The following SNX29 variants were observed in gnomAD, a reference collection of about 807,000 sequenced individuals.
SNX29 encodes the protein sorting nexin 29.
SNX29 carries 78 observed loss-of-function variants against 102.1 expected under a neutral mutation model. The observed-to-expected ratio is 0.76, with a 90% confidence interval of 0.64 to 0.92. The LOEUF is 0.92. Among genes scored for constraint, SNX29 ranks in the 40% least tolerant of loss-of-function variants. The pLI is 0.00. For synonymous variants in SNX29, 580 were observed against 414.5 expected (o/e 1.40, Z -4.85); for missense variants, 1,280 against 1,061.7 (o/e 1.21, Z -2.86).
chr16:12,497,210 A>G (rs1370758454), intron 19 of SNX29, among the ~76,000 whole-genome samples: 1 of 152,282 alleles, frequency 6.6e-6, no homozygotes, highest in Non-Finnish European at 1.5e-5. Flanking sequence ...TCTTGGCAGA[A>G]AGGCCCTGAA....
chr16:12,133,081 C>T (rs1026572837), intron 13 of SNX29, among the ~76,000 whole-genome samples: 1 of 152,074 alleles, frequency 6.6e-6, no homozygotes, highest in African/African-American at 2.4e-5. Flanking sequence ...GAAGGTGAGG[C>T]TCATTGCGCC....
At chr16:12,552,005 C>T (rs535156073) in intron 20 of SNX29, among the ~76,000 whole-genome samples, 4 of 152,324 alleles carry the variant, frequency 2.6e-5, no homozygotes, top group Middle Eastern at 6.8e-3. Flanking sequence ...CTGCTGGTCC[C>T]TGTCTCTAAA....
intron 15 of SNX29, among the ~76,000 whole-genome samples, chr16:12,326,009 C>G (rs2081103718): frequency 6.6e-6 from 1 of 151,780 alleles, no homozygotes; most frequent in African/African-American, 2.4e-5. Context: ...AGCCTGGGCA[C>G]CAGAGGGAGA....
intron 20 of SNX29, among the ~76,000 whole-genome samples, chr16:12,559,213 C>G (rs1445379739): frequency 6.6e-6 from 1 of 152,076 alleles, no homozygotes; most frequent in African/African-American, 2.4e-5. Flanking sequence ...AGCGCTTCGT[C>G]TGTATTTACA....
chr16:12,489,891 T>C (rs2088455842), intron 19 of SNX29, among the ~76,000 whole-genome samples: 1 of 152,156 alleles, frequency 6.6e-6, no homozygotes, highest in South Asian at 2.1e-4. Flanking sequence ...CCGCAACCTC[T>C]ACCTCCTGGG....
Position 12,408,054 on chromosome 16 carries a change from A to G in SNX29, c.2037+4525A>G, listed in dbSNP as rs1174431072. 2.0e-5 allele frequency among the ~76,000 whole-genome samples: 3 copies of G among 152,048 alleles called. No individual in the cohort carries two copies. In the East Asian group the frequency reaches 5.8e-4, roughly 29 times the overall value. ...ATACTTACAGTCCCAGCTACTGGGGAGGCTGAGGCAGGAGGATTGCCTGAG... is the reference window on the plus strand; with the variant it reads ...ATACTTACAGTCCCAGCTACTGGGGGGGCTGAGGCAGGAGGATTGCCTGAG... On this transcript the variant is annotated intron_variant, in intron 18 of 20. Coordinates refer to ENST00000566228, the MANE Select transcript of SNX29 (RefSeq NM_032167.5).
At chr16:12,436,030 A>G (rs1280685442) in intron 18 of SNX29, among the ~76,000 whole-genome samples, 2 of 152,182 alleles carry the variant, frequency 1.3e-5, no homozygotes, top group African/African-American at 2.4e-5. Flanking sequence ...GGCAGCTGCT[A>G]GGATCAAATG....
At chr16:12,123,790 T>C (rs2054084498) in intron 11 of SNX29, among the ~76,000 whole-genome samples, 1 of 152,164 alleles carries the variant, frequency 6.6e-6, no homozygotes, top group Non-Finnish European at 1.5e-5. Flanking sequence ...GCAAATGTTT[T>C]CTGGAAAGGG....
intron 15 of SNX29, among the ~76,000 whole-genome samples, chr16:12,284,697 C>A (rs1473918805): frequency 6.6e-6 from 1 of 151,258 alleles, no homozygotes; most frequent in Non-Finnish European, 1.5e-5. Flanking sequence ...GTTGAACTTG[C>A]CAGAACTGCT....
At chr16:12,237,468 G>A (rs1307394699) in intron 14 of SNX29, among the ~76,000 whole-genome samples, 1 of 152,176 alleles carries the variant, frequency 6.6e-6, no homozygotes, top group African/African-American at 2.4e-5. Flanking sequence ...CATGCCCCTG[G>A]ATAGGATTTA....
intron 16 of SNX29, among the ~76,000 whole-genome samples, chr16:12,360,651 A>T (rs1196730344): frequency 2.1e-5 from 2 of 95,050 alleles, no homozygotes; most frequent in African/African-American, 7.5e-5. Flanking sequence ...CCATCCCCCC[A>T]CCCCCTACCG....
chr16:12,263,808 G>C (rs1313546481), intron 14 of SNX29, among the ~76,000 whole-genome samples: 4 of 152,192 alleles, frequency 2.6e-5, no homozygotes, highest in Non-Finnish European at 5.9e-5. Context: ...GCTCAAGTGA[G>C]GTATTGGTCA....
At chr16:12,089,013 G>C (rs372155086) in intron 11 of SNX29, among the ~76,000 whole-genome samples, 2 of 152,188 alleles carry the variant, frequency 1.3e-5, no homozygotes, top group South Asian at 2.1e-4. Flanking sequence ...TTAAACCTGG[G>C]AGGCAGAGGC....
intron 15 of SNX29, among the ~76,000 whole-genome samples, chr16:12,327,479 T>A (rs2081154153): frequency 6.6e-6 from 1 of 152,056 alleles, no homozygotes; most frequent in African/African-American, 2.4e-5. Context: ...ACGGCCGTCT[T>A]CCCACTGTGG....
At chr16:12,551,835 C>G (rs193003736) in intron 20 of SNX29, among the ~76,000 whole-genome samples, 9 of 152,284 alleles carry the variant, frequency 5.9e-5, no homozygotes, top group Non-Finnish European at 1.3e-4. Context: ...TGTCACTTAG[C>G]TGCTGCTGGG....
intron 8 of SNX29, among the ~76,000 whole-genome samples, 187 bp from the exon 9 acceptor site, chr16:12,061,341 T>A (rs1177001808): frequency 6.6e-6 from 1 of 152,150 alleles, no homozygotes; most frequent in African/African-American, 2.4e-5. Context: ...TAAACACTGG[T>A]TGAGAGAACA....
At chr16:12,398,766 A>G (rs189162761) in intron 17 of SNX29, among the ~76,000 whole-genome samples, 133 of 152,088 alleles carry the variant, frequency 8.7e-4, no homozygotes, top group Non-Finnish European at 1.7e-3. Context: ...ACATAACACA[A>G]ATTTCCTTTA....
At chr16:12,547,103 T>C (rs547933070) in intron 20 of SNX29, among the ~76,000 whole-genome samples, 3 of 152,130 alleles carry the variant, frequency 2.0e-5, no homozygotes, top group Admixed American at 1.3e-4. Flanking sequence ...CGATTTCCAG[T>C]GAAAAGACAG....
rs2076735542 is a variant in SNX29, at chr16:12,524,860, G to A, written c.2318+19G>A. On this transcript the variant is annotated intron_variant, in intron 20 of 20. Transcript: ENST00000566228. ...TCTTCGTGTAAGTACTGCTCCCACG[G>A]ACATGGGCCGCCAGCCCTGCCAGCA... is the stretch of plus-strand genomic sequence containing the variant. The A allele has an allele frequency of 1.1e-5, 17 of 1,603,728 alleles. No individual in the cohort carries two copies. Among genetic ancestry groups the A allele is most frequent in the Non-Finnish European group, 1.4e-5 (17 of 1,173,668 alleles).
Sources: allele counts gnomAD v4.1 joint callset (sites outside exome capture counted in the v4.1 genomes callset), GRCh38; gene constraint gnomAD v4.1.1; transcripts MANE v1.5; gene names NCBI Gene and HGNC (gene_info 2026-07-23, HGNC 2026-07-21).